The following ANKS1B variants were observed in gnomAD, a reference collection of about 807,000 sequenced individuals.
ANKS1B encodes ankyrin repeat and sterile alpha motif domain-containing protein 1B.
A neutral mutation model predicts 148.3 loss-of-function variants in ANKS1B; 36 were observed. The ratio of observed to expected loss-of-function variants is 0.24; its 90% CI spans 0.19 to 0.32. The LOEUF (loss-of-function observed/expected upper bound fraction) is 0.32, where lower values mean the gene tolerates loss of function less well. Among genes scored for constraint, ANKS1B ranks in the 10% least tolerant of loss-of-function variants. The pLI is 1.00. For missense variants in ANKS1B, 1,157 were observed against 1,542.6 expected, an observed-to-expected ratio of 0.75 and a Z score of 4.19; for synonymous variants, 542 against 560.8, an observed-to-expected ratio of 0.97 and a Z score of 0.47.
chr12:98,974,900 T>G (rs1386577184), intron 17 of ANKS1B, among the ~76,000 whole-genome samples: 1 of 147,564 alleles, frequency 6.8e-6, no homozygotes, highest in Non-Finnish European at 1.5e-5. Flanking sequence ...CTTCCTTTCC[T>G]ACCTCCCTCC....
intron 14 of ANKS1B, among the ~76,000 whole-genome samples, chr12:99,216,112 T>A (rs2084133743): frequency 6.6e-6 from 1 of 152,188 alleles, no homozygotes; most frequent in African/African-American, 2.4e-5. Context: ...TAAAGGGCAG[T>A]TTCCCTGCAC....
chr12:99,553,596 A>G (rs1004006744), intron 9 of ANKS1B, among the ~76,000 whole-genome samples: 1 of 152,234 alleles, frequency 6.6e-6, no homozygotes, highest in Non-Finnish European at 1.5e-5. Context: ...ACAATATATA[A>G]CAGAATTAAT....
intron 1 of ANKS1B, among the ~76,000 whole-genome samples, chr12:99,844,786 G>A (rs190270155): frequency 1.6e-3 from 246 of 152,246 alleles, no homozygotes; most frequent in African/African-American, 5.5e-3. Context: ...GTCAATGGTA[G>A]TTTAATAGGA....
chr12:98,886,583 T>C (rs979624532), intron 17 of ANKS1B, among the ~76,000 whole-genome samples: 2 of 152,254 alleles, frequency 1.3e-5, no homozygotes, highest in African/African-American at 2.4e-5. Flanking sequence ...AAAGATATGA[T>C]ACAGTATCTG....
At chr12:99,030,854 AAAG>A (rs1320436874) in intron 17 of ANKS1B, among the ~76,000 whole-genome samples, 2 of 152,208 alleles carry the variant, frequency 1.3e-5, no homozygotes, top group Non-Finnish European at 2.9e-5. Flanking sequence ...ATACATATGC[AAAG>A]AAGGGTCATT....
intron 17 of ANKS1B, among the ~76,000 whole-genome samples, chr12:98,907,681 A>G (rs2099781250): frequency 6.6e-6 from 1 of 152,110 alleles, no homozygotes; most frequent in South Asian, 2.1e-4. Flanking sequence ...GGTGGGTGAT[A>G]TAGTTTGGCT....
chr12:99,980,335 C>A (rs998217308), intron 1 of ANKS1B, among the ~76,000 whole-genome samples: 1 of 151,956 alleles, frequency 6.6e-6, no homozygotes, highest in East Asian at 1.9e-4. Flanking sequence ...AATACATATT[C>A]ATTACAGAAC....
chr12:99,613,807 C>T (rs765722864), intron 9 of ANKS1B, among the ~76,000 whole-genome samples: 7 of 151,966 alleles, frequency 4.6e-5, no homozygotes, highest in Admixed American at 2.6e-4. Flanking sequence ...CCATGACACA[C>T]GTTTACTTAT....
At chr12:99,701,871 T>A (rs541263966) in intron 8 of ANKS1B, among the ~76,000 whole-genome samples, 1 of 152,224 alleles carries the variant, frequency 6.6e-6, no homozygotes, top group Non-Finnish European at 1.5e-5. Context: ...AATGATAGGA[T>A]CTCACTTTTT....
At chr12:99,730,879 G>C (rs2059073694) in intron 8 of ANKS1B, among the ~76,000 whole-genome samples, 1 of 152,126 alleles carries the variant, frequency 6.6e-6, no homozygotes, top group South Asian at 2.1e-4. Context: ...TATTTCCAGA[G>C]ACATTAAATG....
chr12:99,950,083 A>C (rs1349838609), intron 1 of ANKS1B, among the ~76,000 whole-genome samples: 1 of 142,606 alleles, frequency 7.0e-6, no homozygotes, highest in Non-Finnish European at 1.5e-5. Context: ...AATAGCTGGG[A>C]TTACAGGTGC....
At chr12:99,528,126 T>G (rs11109897) in intron 9 of ANKS1B, among the ~76,000 whole-genome samples, 34,204 of 151,856 alleles carry the variant, frequency 0.23, 4,061 homozygotes, top group East Asian at 0.3. Flanking sequence ...ACGGGAAAAG[T>G]ACTCCCTATT....
chr12:99,927,795 A>G (rs1566016241), intron 1 of ANKS1B, among the ~76,000 whole-genome samples: 2 of 152,172 alleles, frequency 1.3e-5, no homozygotes. Context: ...AAAAGAAAAA[A>G]AAGAAGAAGA....
intron 12 of ANKS1B, among the ~76,000 whole-genome samples, chr12:99,306,394 A>ACATC (rs1043090659): frequency 2.5e-4 from 38 of 152,106 alleles, no homozygotes; most frequent in African/African-American, 8.7e-4. Context: ...CCATCACTGA[A>ACATC]CAAGCTGAAT....
At chr12:99,069,521 C>T (rs1486476099) in intron 16 of ANKS1B, among the ~76,000 whole-genome samples, 1 of 152,156 alleles carries the variant, frequency 6.6e-6, no homozygotes, top group Admixed American at 6.5e-5. Context: ...TAATATAATG[C>T]ATTGAAGAAA....
At chr12:99,075,658 G>A (rs966414789) in intron 16 of ANKS1B, among the ~76,000 whole-genome samples, 2 of 151,838 alleles carry the variant, frequency 1.3e-5, no homozygotes, top group Non-Finnish European at 2.9e-5. Flanking sequence ...TCTTAAAAAG[G>A]TGATCTTTTA....
intron 15 of ANKS1B, among the ~76,000 whole-genome samples, chr12:99,135,434 A>G (rs2067695728): frequency 6.6e-6 from 1 of 152,210 alleles, no homozygotes; most frequent in Admixed American, 6.5e-5. Context: ...AACAGGATGA[A>G]AAAGACACCC....
chr12:99,063,897 T>C (rs978866577), intron 16 of ANKS1B, among the ~76,000 whole-genome samples: 1 of 152,222 alleles, frequency 6.6e-6, no homozygotes, highest in Non-Finnish European at 1.5e-5. Context: ...CAAATACGTC[T>C]GCTACTTGCA....
At chr12:99,498,959 G>C (rs1455818320) in intron 10 of ANKS1B, among the ~76,000 whole-genome samples, 1 of 152,208 alleles carries the variant, frequency 6.6e-6, no homozygotes, top group African/African-American at 2.4e-5. Context: ...ACTAGTCATA[G>C]CAGTTGAGAG....
Sources: allele counts gnomAD v4.1 joint callset (sites outside exome capture counted in the v4.1 genomes callset), GRCh38; gene constraint gnomAD v4.1.1; transcripts MANE v1.5; gene names NCBI Gene and HGNC (gene_info 2026-07-23, HGNC 2026-07-21).